KLHL29: variants seen among roughly 807,000 people sequenced by gnomAD.
The protein encoded by KLHL29 is kelch-like protein 29.
A neutral mutation model predicts 80.4 loss-of-function variants in KLHL29; 21 were observed. The ratio of observed to expected loss-of-function variants is 0.26; its 90% CI spans 0.19 to 0.38. KLHL29 has a LOEUF of 0.38. Among genes scored for constraint, KLHL29 ranks in the 10% least tolerant of loss-of-function variants. KLHL29 has a pLI of 1.00. For missense variants in KLHL29, 867 were observed against 1,223.9 expected, an observed-to-expected ratio of 0.71 and a Z score of 4.35; for synonymous variants, 511 against 526.8, an observed-to-expected ratio of 0.97 and a Z score of 0.41.
intron 3 of KLHL29, among the ~76,000 whole-genome samples, chr2:23,590,975 T>C (rs994171944): frequency 1.3e-5 from 2 of 151,756 alleles, no homozygotes; most frequent in African/African-American, 4.8e-5. Context: ...GATGACAAAA[T>C]AAGTCAGGAA....
chr2:23,427,528 G>A (rs984456306), intron 1 of KLHL29, among the ~76,000 whole-genome samples: 1 of 152,176 alleles, frequency 6.6e-6, no homozygotes, highest in Non-Finnish European at 1.5e-5. Flanking sequence ...CCACATCCGT[G>A]TTTATTAGTT....
intron 2 of KLHL29, among the ~76,000 whole-genome samples, chr2:23,518,230 T>C (rs1301453631): frequency 5.9e-5 from 9 of 152,194 alleles, no homozygotes; most frequent in Non-Finnish European, 2.9e-5. Context: ...TCCTCCCACA[T>C]GACCCTGACG....
In KLHL29 at chr2:23,684,170, T is replaced by C. The variant is rs976493760; in HGVS notation, c.941-229T>C. Among the ~76,000 whole-genome samples, 3 of 152,214 alleles carry C rather than the reference T, an allele frequency of 2.0e-5. No individual in the cohort carries two copies. The highest frequency in any genetic ancestry group is 4.8e-5 in the African/African-American group (2 of 41,460). On this transcript the variant is annotated intron_variant, in intron 5 of 13. Coordinates refer to ENST00000486442, the MANE Select transcript of KLHL29 (RefSeq NM_052920.2). The surrounding 1 kb of genome is among the most constrained non-coding windows in gnomAD (Gnocchi z 4.4). ...TTGTATCATATTTGGTTTTTTTGCT[T>C]TTTAAAGTTGTGATTCCTTTGGTTA...
chr2:23,670,931 T>A (rs954046667), intron 5 of KLHL29, among the ~76,000 whole-genome samples: 13 of 8,142 alleles, frequency 1.6e-3, no homozygotes, highest in Non-Finnish European at 3.4e-3. Flanking sequence ...TCTCTCTCTC[T>A]CTCTCTCTCT....
chr2:23,695,572 G>A lies in KLHL29; in HGVS notation c.1543-51G>A, dbSNP rs1300883974. On this transcript the variant is annotated intron_variant, in intron 8 of 13. Transcript: ENST00000486442. This position sits in a 1 kb window ranked among gnomAD's most constrained non-coding sequence, Gnocchi z 7.6. The stretch of plus-strand genomic sequence containing the variant: ...CCACACCATTTCTTTCCGTCCGGGA[G>A]GTGGCTCTCTCTTGCTAGTCTAAGA... 6 of 1,286,692 alleles carry A rather than the reference G, an allele frequency of 4.7e-6. No individual in the cohort carries two copies. Among genetic ancestry groups the A allele is most frequent in the African/African-American group, 1.5e-5 (1 of 67,296 alleles). 79.7% of individuals were successfully genotyped at this position (1,286,692 alleles called of 1,614,324 possible).
intron 5 of KLHL29, among the ~76,000 whole-genome samples, chr2:23,683,221 C>T (rs890050218): frequency 2.0e-5 from 3 of 152,228 alleles, no homozygotes; most frequent in Admixed American, 1.3e-4. Context: ...GGGCGATGGC[C>T]GGTGGGGCTG....
At chr2:23,455,001 T>TTG (rs35011378) in intron 1 of KLHL29, among the ~76,000 whole-genome samples, 1 of 127,002 alleles carries the variant, frequency 7.9e-6, no homozygotes. Flanking sequence ...AACAGTGGGT[T>TTG]GGGGGGGGGG....
At chr2:23,641,120 C>T (rs1157531902) in intron 4 of KLHL29, among the ~76,000 whole-genome samples, 1 of 152,174 alleles carries the variant, frequency 6.6e-6, no homozygotes, top group South Asian at 2.1e-4. Context: ...GACCCAGGCT[C>T]ATTTAGTCAG....
chr2:23,458,096 G>T (rs1271083722), intron 1 of KLHL29, among the ~76,000 whole-genome samples: 1 of 152,246 alleles, frequency 6.6e-6, no homozygotes, highest in East Asian at 1.9e-4. Context: ...CAGTAACAGT[G>T]CTATAGGCGT....
chr2:23,506,572 G>C (rs145942242), intron 2 of KLHL29, among the ~76,000 whole-genome samples: 10 of 152,330 alleles, frequency 6.6e-5, no homozygotes, highest in African/African-American at 2.4e-4. Context: ...TGGCCCAAGT[G>C]GGGTACTCAA....
Position 23,475,549 on chromosome 2 carries a change from T to C in KLHL29, c.-153-11T>C, listed in dbSNP as rs1381955439. 3 of 166,366 alleles carry C rather than the reference T, an allele frequency of 1.8e-5. No individual in the cohort carries two copies. Among genetic ancestry groups the C allele is most frequent in the African/African-American group, 7.3e-5 (3 of 41,182 alleles). 10.3% of individuals were successfully genotyped at this position (166,366 alleles called of 1,614,324 possible). ...CCACCCCTACCCCACTGTTTTTCCC[T>C]CTCTTTCTAGACTATCTGGCTTCCT... is the stretch of plus-strand genomic sequence containing the variant. On this transcript the variant is annotated splice_polypyrimidine_tract_variant and intron_variant, in intron 1 of 13. Coordinates refer to ENST00000486442, the MANE Select transcript of KLHL29 (RefSeq NM_052920.2).
At chr2:23,423,463 T>G (rs1041515006) in intron 1 of KLHL29, among the ~76,000 whole-genome samples, 1 of 152,224 alleles carries the variant, frequency 6.6e-6, no homozygotes, top group African/African-American at 2.4e-5. Context: ...TCTGAGAACT[T>G]CTTAAGCAGT....
At chr2:23,703,613 T>C (rs1425817768) in intron 12 of KLHL29, 106 bp from the exon 13 acceptor site, 2 of 1,342,272 alleles carry the variant, frequency 1.5e-6, no homozygotes, top group South Asian at 1.5e-5. Flanking sequence ...CAGTCACTTG[T>C]TGGAAGTCTT....
At chr2:23,607,589 C>T (rs1423053124) in intron 3 of KLHL29, among the ~76,000 whole-genome samples, 2 of 152,214 alleles carry the variant, frequency 1.3e-5, no homozygotes, top group African/African-American at 2.4e-5. Context: ...CAAACCAGTA[C>T]AGTCCATGGC....
intron 2 of KLHL29, among the ~76,000 whole-genome samples, chr2:23,550,851 G>T (rs936565961): frequency 6.6e-6 from 1 of 152,262 alleles, no homozygotes; most frequent in Non-Finnish European, 1.5e-5. Context: ...GAGGGAGCTT[G>T]TTGAATTAGT....
intron 11 of KLHL29, among the ~76,000 whole-genome samples, chr2:23,698,294 G>A (rs1245356905): frequency 6.6e-6 from 1 of 152,202 alleles, no homozygotes; most frequent in Non-Finnish European, 1.5e-5. Flanking sequence ...TGTCCTTGCA[G>A]GGGCAGGATG....
intron 3 of KLHL29, among the ~76,000 whole-genome samples, chr2:23,586,721 G>A (rs146307874): frequency 1.3e-5 from 2 of 152,178 alleles, no homozygotes; most frequent in African/African-American, 4.8e-5. Context: ...TTTAGCTGAT[G>A]TTGGGGAGGG....
chr2:23,444,703 C>G (rs1051275701), intron 1 of KLHL29, among the ~76,000 whole-genome samples: 2 of 152,160 alleles, frequency 1.3e-5, no homozygotes, highest in Non-Finnish European at 2.9e-5. Context: ...ATAAAATAGT[C>G]TTAAACTTAT....
intron 3 of KLHL29, among the ~76,000 whole-genome samples, chr2:23,637,114 G>A (rs1167762862): frequency 2.0e-5 from 3 of 152,118 alleles, no homozygotes; most frequent in African/African-American, 7.2e-5. Context: ...AGGGAGTGCC[G>A]GTCAGGAGGC....
Sources: gnomAD v4.1 joint callset for allele counts (sites outside exome capture counted in the v4.1 genomes callset) on GRCh38, gnomAD v4.1.1 for gene constraint, Gnocchi (gnomAD v3.1) non-coding constraint, MANE v1.5 for transcripts, NCBI Gene and HGNC (gene_info 2026-07-23, HGNC 2026-07-21) for gene names.